Variants in CTNNA3 observed in about 807,000 individuals in gnomAD.
CTNNA3 encodes the protein catenin alpha 3.
CTNNA3 carries 76 observed loss-of-function variants against 95.7 expected under a neutral mutation model. The observed-to-expected ratio is 0.79, with a 90% CI of 0.66 to 0.96. The LOEUF (loss-of-function observed/expected upper bound fraction) is 0.96. Among genes scored for constraint, CTNNA3 ranks in the 40% least tolerant of loss-of-function variants. The probability of loss-of-function intolerance (pLI) is 0.00; values close to 1 mark genes in which losing one functional copy is unlikely to be tolerated. For synonymous variants in CTNNA3, 431 were observed against 374.4 expected (o/e 1.15, Z -1.74); for missense variants, 1,191 against 1,089.8 (o/e 1.09, Z -1.31).
intron 10 of CTNNA3, among the ~76,000 whole-genome samples, chr10:66,594,270 T>C (rs1443922725): frequency 6.6e-6 from 1 of 152,182 alleles, no homozygotes; most frequent in East Asian, 1.9e-4. Context: ...ATTTTCTCAA[T>C]GTGACAAGTT....
At chr10:66,154,651 G>A (rs989247628) in intron 13 of CTNNA3, among the ~76,000 whole-genome samples, 18 of 138,456 alleles carry the variant, frequency 1.3e-4, no homozygotes, top group Middle Eastern at 3.9e-3. Flanking sequence ...AGTATATTTC[G>A]TTTTTAGAAA....
intron 7 of CTNNA3, among the ~76,000 whole-genome samples, chr10:66,901,327 GA>G (rs1845735416): frequency 6.6e-6 from 1 of 152,188 alleles, no homozygotes; most frequent in South Asian, 2.1e-4. Flanking sequence ...AGCAAATGCT[GA>G]GAGATTTTGT....
At chr10:66,007,507 T>C (rs2078910574) in intron 15 of CTNNA3, among the ~76,000 whole-genome samples, 1 of 152,202 alleles carries the variant, frequency 6.6e-6, no homozygotes, top group Admixed American at 6.5e-5. Context: ...ATACGGTAGT[T>C]ATTCGGCATC....
chr10:66,968,043 C>T (rs73331684), intron 7 of CTNNA3, among the ~76,000 whole-genome samples: 1 of 152,030 alleles, frequency 6.6e-6, no homozygotes, highest in Non-Finnish European at 1.5e-5. Flanking sequence ...AATTTATACT[C>T]TGAGCATGAA....
rs11817843 is a variant in CTNNA3 at position 66,347,872 on chromosome 10, C to T, written c.1732+31280G>A. Among the ~76,000 whole-genome samples, 1,009 of 151,688 alleles carry T rather than the reference C, an allele frequency of 6.7e-3. 10 individuals are homozygous for T. The highest frequency in any genetic ancestry group is 0.022 in the African/African-American group (931 of 41,380). Reference sequence around the variant, plus strand: ...CATGTATACTGTCACATGCTCAGGACGAGATAATCGAGATAATAGAATAAA... The same window carrying T: ...CATGTATACTGTCACATGCTCAGGATGAGATAATCGAGATAATAGAATAAA... On this transcript the variant is annotated intron_variant, in intron 12 of 17. Coordinates refer to ENST00000433211, the MANE Select transcript of CTNNA3 (RefSeq NM_013266.4).
intron 11 of CTNNA3, among the ~76,000 whole-genome samples, chr10:66,424,776 TAAGA>T (rs1401314440): frequency 5.9e-5 from 9 of 152,202 alleles, no homozygotes; most frequent in Admixed American, 5.2e-4. Context: ...GGGTATTAAT[TAAGA>T]CTTTGGGATG....
chr10:67,697,266 C>T (rs976641153), upstream of CTNNA3, among the ~76,000 whole-genome samples: 1 of 152,106 alleles, frequency 6.6e-6, no homozygotes, highest in African/African-American at 2.4e-5. Flanking sequence ...TTTAAAGCAG[C>T]TTTTTCCCCC....
intron 9 of CTNNA3, among the ~76,000 whole-genome samples, chr10:66,706,246 C>T (rs1317127469): frequency 1.3e-5 from 2 of 151,990 alleles, no homozygotes; most frequent in East Asian, 3.9e-4. Context: ...CATCCTTCAT[C>T]CATTCATTCT....
At chr10:66,416,932 T>G (rs576029487) in intron 11 of CTNNA3, among the ~76,000 whole-genome samples, 49 of 152,080 alleles carry the variant, frequency 3.2e-4, no homozygotes, top group African/African-American at 1.2e-3. Context: ...TCCCTACAGA[T>G]AACTACCAAC....
rs1451410622 is a variant in CTNNA3, at chr10:67,189,542, GTGTA to G, written c.844-9026_844-9023del. Among the ~76,000 whole-genome samples the G allele has an allele frequency of 2.3e-5, 3 of 132,642 alleles. No homozygotes were observed. The South Asian group carries it at 8.8e-4, about 39-fold the overall frequency. 87.0% of individuals were successfully genotyped at this position (132,642 alleles called of 152,430 possible). On this transcript the variant is annotated intron_variant, in intron 6 of 17. Transcript: ENST00000433211. ...TAGTTTCATTTAGCCACTGCATAAT[GTGTA>G]TGTATTTCAAAACATCATGTTATAC...
intron 10 of CTNNA3, among the ~76,000 whole-genome samples, chr10:66,525,338 G>C (rs1301243744): frequency 2.6e-5 from 4 of 152,078 alleles, no homozygotes. Context: ...ATGCACCACT[G>C]TTCCAAACAC....
At chr10:67,527,881 T>C (rs1840198918) in intron 4 of CTNNA3, among the ~76,000 whole-genome samples, 1 of 152,160 alleles carries the variant, frequency 6.6e-6, no homozygotes, top group Non-Finnish European at 1.5e-5. Context: ...ATTATGAGAG[T>C]CTTTTGAGAA....
At chr10:67,683,542 C>T (rs1337205681) in intron 1 of CTNNA3, among the ~76,000 whole-genome samples, 1 of 152,206 alleles carries the variant, frequency 6.6e-6, no homozygotes, top group East Asian at 1.9e-4. Flanking sequence ...GATGCCACCC[C>T]TAGAGGCCTC....
intron 13 of CTNNA3, among the ~76,000 whole-genome samples, chr10:66,278,108 C>A (rs553936062): frequency 6.7e-6 from 1 of 149,294 alleles, no homozygotes; most frequent in Non-Finnish European, 1.5e-5. Context: ...TATGAAGAAT[C>A]ATATACAGTG....
intron 7 of CTNNA3, among the ~76,000 whole-genome samples, chr10:67,103,048 A>G (rs1418962363): frequency 6.6e-6 from 1 of 151,812 alleles, no homozygotes; most frequent in African/African-American, 2.4e-5. Context: ...TTGACTCCAA[A>G]TCCCTTGTGT....
chr10:67,562,639 G>T (rs565518608), intron 3 of CTNNA3, among the ~76,000 whole-genome samples: 3,099 of 152,090 alleles, frequency 0.02, 139 homozygotes, highest in African/African-American at 0.07. Flanking sequence ...TTCTGGCCAG[G>T]GCAATCAGGC....
At chr10:66,822,372 G>A (rs1296635207) in intron 7 of CTNNA3, among the ~76,000 whole-genome samples, 2 of 152,020 alleles carry the variant, frequency 1.3e-5, no homozygotes, top group African/African-American at 4.8e-5. Context: ...CCAGGGAGCC[G>A]CTACTGATCA....
rs59373779 is a variant in CTNNA3, at chr10:66,018,187, T to TACACACACACACACACACACAC, written c.2160-29412_2160-29391dup. ...GTTCTATATGAGGATACAGCTCAAA[T>TACACACACACACACACACACAC]ACACACACACACACACACACACACA... On this transcript the variant is annotated intron_variant, in intron 15 of 17. Transcript: ENST00000433211. 4.8e-3 allele frequency among the ~76,000 whole-genome samples: 684 copies of TACACACACACACACACACACAC among 142,140 alleles called. 4 individuals carry two copies. Among genetic ancestry groups the TACACACACACACACACACACAC allele is most frequent in the African/African-American group, 9.1e-3 (347 of 38,004 alleles). The allele number at this position is 142,140 out of a possible 152,430, so 93.2% of individuals were successfully genotyped here.
intron 17 of CTNNA3, among the ~76,000 whole-genome samples, chr10:65,958,463 G>T (rs1312452033): frequency 6.6e-6 from 1 of 152,192 alleles, no homozygotes; most frequent in South Asian, 2.1e-4. Context: ...TAGGAGAAGA[G>T]ATGCTCTGAT....
Sources: allele counts gnomAD v4.1 joint callset (sites outside exome capture counted in the v4.1 genomes callset), GRCh38; gene constraint gnomAD v4.1.1; transcripts MANE v1.5; gene names NCBI Gene and HGNC (gene_info 2026-07-23, HGNC 2026-07-21).